NCKAP5L: variants seen among roughly 807,000 people sequenced by gnomAD.
NCKAP5L encodes the protein NCK associated protein 5 like.
In NCKAP5L, 54 loss-of-function variants were observed where a neutral mutation model predicts 103.2. The ratio of observed to expected loss-of-function variants is 0.52; its 90% CI spans 0.42 to 0.66. NCKAP5L has a LOEUF of 0.66. Ranked by LOEUF, NCKAP5L falls within the 30% of genes least tolerant of loss-of-function variation. NCKAP5L has a pLI of 0.00. For missense variants in NCKAP5L, 1,733 were observed against 1,750.6 expected (o/e 0.99, Z 0.18); for synonymous variants, 762 against 748.6 (o/e 1.02, Z -0.29).
intron 9 of NCKAP5L, 100 bp from the exon 10 acceptor site, chr12:49,793,533 T>C: frequency 3.0e-6 from 4 of 1,349,406 alleles, no homozygotes; most frequent in Non-Finnish European, 4.1e-6. Context: ...CATATGAGAG[T>C]ATGAGGATTA....
chr12:49,811,345 C>T (rs966574671), intron 1 of NCKAP5L, among the ~76,000 whole-genome samples: 2 of 152,160 alleles, frequency 1.3e-5, no homozygotes, highest in African/African-American at 4.8e-5. Context: ...CCTCTCCACT[C>T]TCCTATAACT....
rs1356184855 is a variant in NCKAP5L at position 49,803,975 on chromosome 12, T to A, written c.70A>T (p.Ser24Cys). 1.2e-6 allele frequency: 2 copies of A among 1,612,106 alleles called. No homozygotes were observed. The highest frequency in any genetic ancestry group is 4.5e-5 in the East Asian group (2 of 44,874). Residue 24 changes from serine to cysteine, a missense_variant, in exon 3 of 13, where the codon AGC (serine) becomes TGC (cysteine). Coordinates refer to ENST00000335999, the MANE Select transcript of NCKAP5L (RefSeq NM_001037806.4). ...NPRPGEGDDG[S>C]MEPGTCQELL... ...TCCTGGCAGGTGCCTGGCTCCATGC[T>A]GCCATCATCACCCTCTCCTGGCCTT...
chr12:49,794,900 G>A lies in NCKAP5L; in HGVS notation c.2960C>T (p.Ala987Val), dbSNP rs1405778050. The A allele has an allele frequency of 2.6e-6, 4 of 1,528,032 alleles. No homozygotes were observed. The highest frequency in any genetic ancestry group is 3.5e-6 in the Non-Finnish European group (4 of 1,137,570). 94.7% of individuals were successfully genotyped at this position (1,528,032 alleles called of 1,614,324 possible). A position where few individuals can be genotyped will look rare whatever the true frequency, so the allele number is the denominator to read the frequency against. ...DLRRALEEEK[A>V]YLSSRARPRP... ...TGGCCGGGCCCGGCTGCTTAGGTAG[G>A]CCTTCTCCTCTTCCAGTGCCCGACG... is the stretch of plus-strand genomic sequence containing the variant. The change falls in exon 8 of 13, where the codon GCC becomes GTC. Residue 987 changes from alanine to valine, a missense_variant. By Grantham distance (64) the Ala-to-Val change is moderately conservative (BLOSUM62 0). Coordinates refer to ENST00000335999, the MANE Select transcript of NCKAP5L (RefSeq NM_001037806.4).
In NCKAP5L at chr12:49,794,870, G is replaced by A. The variant is rs1248048900; in HGVS notation, c.2990C>T (p.Pro997Leu). ...GTTGGGCCCTGGGGCTGGGCCACCA[G>A]GCCGTGGCCGGGCCCGGCTGCTTAG... is the stretch of plus-strand genomic sequence containing the variant. ...AYLSSRARPRPGGPAPGPNTG... is the reference protein window; with the variant it reads ...AYLSSRARPRLGGPAPGPNTG... The change falls in exon 8 of 13, where the codon CCT (proline) becomes CTT (leucine). Residue 997 changes from proline to leucine, a missense_variant. Transcript: ENST00000335999. 2 of 1,500,766 alleles carry A rather than the reference G, an allele frequency of 1.3e-6. No homozygotes were observed. Among genetic ancestry groups the A allele is most frequent in the South Asian group, 1.3e-5 (1 of 75,058 alleles). The allele number at this position is 1,500,766 out of a possible 1,614,324, so 93.0% of individuals were successfully genotyped here.
intron 1 of NCKAP5L, among the ~76,000 whole-genome samples, chr12:49,812,949 A>G (rs1374525384): frequency 6.6e-6 from 1 of 152,206 alleles, no homozygotes; most frequent in Non-Finnish European, 1.5e-5. Context: ...TGTACTTTAT[A>G]AATCATCTCC....
intron 1 of NCKAP5L, among the ~76,000 whole-genome samples, chr12:49,817,468 C>T (rs922871478): frequency 1.3e-5 from 2 of 152,136 alleles, no homozygotes; most frequent in African/African-American, 2.4e-5. Context: ...CTACCTATCA[C>T]ACCACATCCT....
chr12:49,794,916 G>C lies in NCKAP5L; in HGVS notation c.2944C>G (p.Leu982Val), dbSNP rs765012523. ...MAKAEDLRRA[L>V]EEEKAYLSSR... ...CTTAGGTAGGCCTTCTCCTCTTCCA[G>C]TGCCCGACGCAGGTCTTCCGCCTTG... Residue 982 changes from leucine to valine, a missense_variant, in exon 8 of 13, where the codon CTG (leucine) becomes GTG (valine). Transcript: ENST00000335999. 8.0e-5 allele frequency: 124 copies of C among 1,543,010 alleles called. No homozygotes were observed. Among genetic ancestry groups the C allele is most frequent in the Non-Finnish European group, 1.0e-4 (115 of 1,145,094 alleles).
At chr12:49,807,089 C>A (rs1946188756) in intron 1 of NCKAP5L, among the ~76,000 whole-genome samples, 1 of 152,176 alleles carries the variant, frequency 6.6e-6, no homozygotes, top group Non-Finnish European at 1.5e-5. Flanking sequence ...TGCTGCTCTG[C>A]CCACCCTGCC....
In NCKAP5L at chr12:49,793,897, C is replaced by A; in HGVS notation, c.3096-1G>T. ...GGATGGCAGCTCCTTGCCATCCACC[C>A]TATGGGCAACAGTGCAGATATAGGT... On this transcript the variant is annotated splice_acceptor_variant, in intron 8 of 12. Transcript: ENST00000335999. LOFTEE classifies it high-confidence loss of function. 1 of 1,538,546 alleles carries A rather than the reference C, an allele frequency of 6.5e-7. No homozygotes were observed. Among genetic ancestry groups the A allele is most frequent in the Non-Finnish European group, 8.8e-7 (1 of 1,142,630 alleles).
In NCKAP5L at chr12:49,795,308, G is replaced by T; in HGVS notation, c.2552C>A (p.Ala851Glu). The T allele has an allele frequency of 6.5e-7, 1 of 1,529,764 alleles. No individual in the cohort carries two copies. The highest frequency in any genetic ancestry group is 8.8e-7 in the Non-Finnish European group (1 of 1,141,782). 94.8% of individuals were successfully genotyped at this position (1,529,764 alleles called of 1,614,324 possible). A position where few individuals can be genotyped will look rare whatever the true frequency, so the allele number is the denominator to read the frequency against. Reference sequence around the variant, plus strand: ...CTGGGCCGTGGTACTACCACAGTCTGCCCAGGGAGGGCCCTTCCCTTTGTC... The same window carrying T: ...CTGGGCCGTGGTACTACCACAGTCTTCCCAGGGAGGGCCCTTCCCTTTGTC... The part of the protein sequence containing the change: ...KPDKGKGPPW[A>E]DCGSTTAQST... The change falls in exon 8 of 13, where the codon GCA (alanine) becomes GAA (glutamate). Residue 851 changes from alanine to glutamate, a missense_variant. By Grantham distance (107) the Ala-to-Glu change is moderately radical. Coordinates refer to ENST00000335999, the MANE Select transcript of NCKAP5L (RefSeq NM_001037806.4).
intron 1 of NCKAP5L, among the ~76,000 whole-genome samples, chr12:49,812,882 A>G (rs113384145): frequency 0.018 from 2,704 of 152,156 alleles, 37 homozygotes; most frequent in South Asian, 0.042. Context: ...AGGACGCTCA[A>G]GTCCCTTATA....
chr12:49,807,055 T>C (rs752571815), intron 1 of NCKAP5L, among the ~76,000 whole-genome samples: 18 of 152,140 alleles, frequency 1.2e-4, no homozygotes, highest in Non-Finnish European at 2.1e-4. Flanking sequence ...GTCTCCGCTA[T>C]AGGGGCACCT....
At chr12:49,824,849 G>A (rs1946399204) in intron 1 of NCKAP5L, among the ~76,000 whole-genome samples, 1 of 152,178 alleles carries the variant, frequency 6.6e-6, no homozygotes, top group Non-Finnish European at 1.5e-5. Context: ...TGTTCTCAGG[G>A]ATTTGAAGCT....
chr12:49,794,683 T>C, intron 8 of NCKAP5L, 82 bp downstream of exon 8: 1 of 1,125,540 alleles, frequency 8.9e-7, no homozygotes. Flanking sequence ...AAAGCAGGCC[T>C]AGCTCCAGAC....
At chr12:49,816,781 A>G (rs1406955325) in intron 1 of NCKAP5L, among the ~76,000 whole-genome samples, 1 of 148,904 alleles carries the variant, frequency 6.7e-6, no homozygotes, top group Non-Finnish European at 1.5e-5. Flanking sequence ...TGGGTGACAG[A>G]GTGAGAGTCT....
intron 1 of NCKAP5L, among the ~76,000 whole-genome samples, chr12:49,807,134 C>A (rs917236917): frequency 6.6e-6 from 1 of 152,238 alleles, no homozygotes; most frequent in Non-Finnish European, 1.5e-5. Context: ...TCCCAGCCGG[C>A]CCTCCAGCCC....
Position 49,795,496 on chromosome 12 carries a change from G to C in NCKAP5L, c.2364C>G (p.Pro788=), listed in dbSNP as rs779043513. The change falls in exon 8 of 13, where the codon CCC becomes CCG. Residue 788 remains proline, a synonymous_variant. Transcript: ENST00000335999. ...CTTTGGCAGGGGTACGGGGTACCTG[G>C]GGGCACAGGGCCCCTGCCAGCCGGC... ...AKSRLAGALC[P]QVPRTPAKVP... The C allele has an allele frequency of 6.5e-7, 1 of 1,533,826 alleles. No individual in the cohort carries two copies. The highest frequency in any genetic ancestry group is 2.2e-5 in the Admixed American group (1 of 45,802).
chr12:49,816,051 G>A (rs577436641), intron 1 of NCKAP5L, among the ~76,000 whole-genome samples: 4 of 152,240 alleles, frequency 2.6e-5, no homozygotes, highest in South Asian at 4.1e-4. Flanking sequence ...TCCTGGACTC[G>A]TGCAGCCTCA....
chr12:49,812,597 T>C (rs888221894), intron 1 of NCKAP5L, among the ~76,000 whole-genome samples: 1 of 152,150 alleles, frequency 6.6e-6, no homozygotes, highest in Non-Finnish European at 1.5e-5. Flanking sequence ...TTGTCCAGGC[T>C]GATCTCGAAC....
Sources: allele counts gnomAD v4.1 joint callset (sites outside exome capture counted in the v4.1 genomes callset), GRCh38; gene constraint gnomAD v4.1.1; transcripts MANE v1.5; gene names NCBI Gene and HGNC (gene_info 2026-07-23, HGNC 2026-07-21).